The following INSRR variants were observed in gnomAD, a reference collection of about 807,000 sequenced individuals.
INSRR encodes the protein insulin receptor-related protein.
In INSRR, 114 loss-of-function variants were observed where a neutral mutation model predicts 130.0. The ratio of observed to expected loss-of-function variants is 0.88; its 90% confidence interval spans 0.75 to 1.02. The LOEUF (loss-of-function observed/expected upper bound fraction) is 1.02. Ranked by LOEUF, INSRR falls within the 50% of genes least tolerant of loss-of-function variation. The pLI, the probability that INSRR is intolerant of heterozygous loss-of-function variation, is 0.00. For missense variants in INSRR, 1,657 were observed against 1,735.2 expected (o/e 0.95, Z 0.80); for synonymous variants, 674 against 705.2 (o/e 0.96, Z 0.70).
At chr1:156,855,355 C>T (rs1055414595) in intron 1 of INSRR, among the ~76,000 whole-genome samples, 7 of 152,242 alleles carry the variant, frequency 4.6e-5, no homozygotes, top group African/African-American at 7.2e-5. Context: ...AGGTGCCCGC[C>T]GCCATACCCA....
intron 14 of INSRR, 53 bp from the exon 15 acceptor site, chr1:156,844,333 G>A: frequency 6.4e-7 from 1 of 1,562,894 alleles, no homozygotes; most frequent in Non-Finnish European, 8.8e-7. Flanking sequence ...AAGTCAGAGG[G>A]AAGGTCATGC....
At chr1:156,847,998 A>C (rs1655069906) in intron 7 of INSRR, among the ~76,000 whole-genome samples, 1 of 152,134 alleles carries the variant, frequency 6.6e-6, no homozygotes, top group Admixed American at 6.5e-5. Context: ...CAGCTTCAGC[A>C]TCTCCTAGGA....
Position 156,840,964 on chromosome 1 carries a change from G to GC in INSRR, c.3802dup (p.Ala1268GlyfsTer13), listed in dbSNP as rs1224959325. The stretch of plus-strand genomic sequence containing the variant: ...ATCGGTGGTAGGCAGGGAGCCCCGG[G>GC]CCCCCCGGCATTCCGGGCTGTAGTA... On this transcript the variant is annotated frameshift_variant, in exon 22 of 22. Coordinates refer to ENST00000368195, the MANE Select transcript of INSRR (RefSeq NM_014215.3). LOFTEE classifies it low-confidence loss of function (END_TRUNC). The GC allele has an allele frequency of 3.1e-6, 5 of 1,613,788 alleles. No homozygotes were observed. Among genetic ancestry groups the GC allele is most frequent in the Admixed American group, 1.7e-5 (1 of 59,976 alleles).
At position 156,841,486 on chromosome 1, in the gene INSRR, T is replaced by C. The variant is rs753613162; in HGVS notation, c.3570A>G (p.Glu1190=). The C allele has an allele frequency of 3.1e-6, 5 of 1,613,974 alleles. No homozygotes were observed. Among genetic ancestry groups the C allele is most frequent in the Non-Finnish European group, 4.2e-6 (5 of 1,179,940 alleles). Residue 1190 remains glutamate (E), a synonymous_variant, in exon 21 of 22, where the codon GAA becomes GAG. Coordinates refer to ENST00000368195, the MANE Select transcript of INSRR (RefSeq NM_014215.3). ...CATTGGACAGGCCCTGGTAGGGTTG[T>C]TCTGCCAGGGTCACAATCTCCCAGA... ...VVLWEIVTLA[E]QPYQGLSNEQ...
At chr1:156,851,172 A>G in intron 5 of INSRR, 118 bp downstream of exon 5, 1 of 1,056,664 alleles carries the variant, frequency 9.5e-7, no homozygotes. Context: ...ACCTACTTAG[A>G]GTCACACGCC....
chr1:156,843,139 C>G lies in INSRR; in HGVS notation c.2991G>C (p.Leu997=), dbSNP rs1163675041. The change falls in exon 17 of 22, where the codon CTG becomes CTC. Residue 997 remains leucine, a synonymous_variant. Coordinates refer to ENST00000368195, the MANE Select transcript of INSRR (RefSeq NM_014215.3). The part of the protein sequence containing the change: ...QGSFGMVYEG[L]ARGLEAGEES... ...CCTCTCCAGCCTCAAGTCCTCGTGC[C>G]AGCCCCTCATATACCATCCCAAAAG... 3.7e-6 allele frequency: 6 copies of G among 1,614,064 alleles called. No homozygotes were observed. In the South Asian group the frequency reaches 6.6e-5, roughly 18 times the overall value.
At chr1:156,856,648 ATTG>A (rs2102873016) in intron 1 of INSRR, among the ~76,000 whole-genome samples, 1 of 152,048 alleles carries the variant, frequency 6.6e-6, no homozygotes, top group East Asian at 1.9e-4. Flanking sequence ...TGGCTCCAAA[ATTG>A]TTGTATACAT....
In INSRR at chr1:156,858,661, C is replaced by G; in HGVS notation, c.-40G>C. On this transcript the variant is annotated 5_prime_UTR_variant, in exon 1 of 22. Coordinates refer to ENST00000368195, the MANE Select transcript of INSRR (RefSeq NM_014215.3). ...CTTGTGTCCAGTCCCGGCTCTCCTCCCGGTGACTCTGGGGAGAACGGTGTG... is the reference window on the plus strand; with the variant it reads ...CTTGTGTCCAGTCCCGGCTCTCCTCGCGGTGACTCTGGGGAGAACGGTGTG... The G allele has an allele frequency of 1.3e-6, 2 of 1,561,436 alleles. No homozygotes were observed. The highest frequency in any genetic ancestry group is 1.8e-6 in the Non-Finnish European group (2 of 1,132,108).
intron 1 of INSRR, 40 bp downstream of exon 1, chr1:156,858,497 G>T: frequency 6.5e-7 from 1 of 1,539,740 alleles, no homozygotes; most frequent in Non-Finnish European, 9.0e-7. Flanking sequence ...AGCTGGCTGG[G>T]AGGGAGGTAG....
At chr1:156,858,462 T>A (rs748765101) in intron 1 of INSRR, 75 bp downstream of exon 1, 1 of 1,106,492 alleles carries the variant, frequency 9.0e-7, no homozygotes, top group Non-Finnish European at 1.4e-6. Flanking sequence ...GTGCTGTGGC[T>A]GCAAGCTCAG....
At chr1:156,851,528 C>G (rs1274711142) in intron 4 of INSRR, 94 bp from the exon 5 acceptor site, 2 of 1,604,274 alleles carry the variant, frequency 1.2e-6, no homozygotes, top group Non-Finnish European at 1.7e-6. Flanking sequence ...AAGGTGGGCC[C>G]TCAGGACTGG....
chr1:156,844,482 G>T lies in INSRR; in HGVS notation c.2717C>A (p.Ala906Asp), dbSNP rs1474641249. Residue 906 changes from alanine (A) to aspartate (D), a missense_variant, in exon 14 of 22, where the codon GCC becomes GAC. By Grantham distance (126) the Ala-to-Asp change is moderately radical (BLOSUM62 -2). Transcript: ENST00000368195. ...TATACCTGGGCCAAGGATGTAGAAG[G>T]CAACACTGTCTGTCCAAGAGCCATT... is the stretch of plus-strand genomic sequence containing the variant. The part of the protein sequence containing the change: ...AGNGSWTDSV[A>D]FYILGPEEED... 2 of 1,613,900 alleles carry T rather than the reference G, an allele frequency of 1.2e-6. No individual in the cohort carries two copies. Among genetic ancestry groups the T allele is most frequent in the Non-Finnish European group, 1.7e-6 (2 of 1,179,966 alleles).
At position 156,845,137 on chromosome 1, in the gene INSRR, G is replaced by A; in HGVS notation, c.2376C>T (p.His792=). ...EYRIDIHACN[H]AAHTVGCSAA... is the part of the protein sequence containing the mutation. ...CGCTGCAGCCCACGGTGTGCGCCGC[G>A]TGGTTGCAGGCATGGATGTCGATCC... is the stretch of plus-strand genomic sequence containing the variant. The change falls in exon 12 of 22, where the codon CAC becomes CAT. Residue 792 remains histidine, a synonymous_variant. Transcript: ENST00000368195. 3 of 1,612,014 alleles carry A rather than the reference G, an allele frequency of 1.9e-6. No homozygotes were observed. The highest frequency in any genetic ancestry group is 1.3e-5 in the African/African-American group (1 of 75,038).
chr1:156,855,363 C>G (rs992561603), intron 1 of INSRR, among the ~76,000 whole-genome samples: 1 of 152,136 alleles, frequency 6.6e-6, no homozygotes, highest in African/African-American at 2.4e-5. Flanking sequence ...GCCGCCATAC[C>G]CAGCTAATTT....
At chr1:156,842,595 C>T in intron 17 of INSRR, 87 bp from the exon 18 acceptor site, 1 of 957,942 alleles carries the variant, frequency 1.0e-6, no homozygotes, top group South Asian at 1.4e-5. Context: ...CACAGTCTGA[C>T]TCAGACACCA....
At position 156,840,750 on chromosome 1, in the gene INSRR, C is replaced by A. The variant is rs2102851129; in HGVS notation, c.*123G>T. 2.7e-6 allele frequency: 2 copies of A among 752,656 alleles called. No homozygotes were observed. The highest frequency in any genetic ancestry group is 4.5e-6 in the Non-Finnish European group (2 of 441,858). The allele number at this position is 752,656 out of a possible 1,614,324, so 46.6% of individuals were successfully genotyped here. ...CAGCCTTCCCTGCTCCTGTTCTCTG[C>A]CCCACCCTCGGCCATCCCTTGCCCT... is the stretch of plus-strand genomic sequence containing the variant. On this transcript the variant is annotated 3_prime_UTR_variant, in exon 22 of 22. Transcript: ENST00000368195.
In INSRR at chr1:156,851,311, C is replaced by T. The variant is rs772700964; in HGVS notation, c.1208G>A (p.Arg403Gln). Residue 403 changes from arginine to glutamine, a missense_variant, in exon 5 of 22, where the codon CGG becomes CAG. Coordinates refer to ENST00000368195, the MANE Select transcript of INSRR (RefSeq NM_014215.3). ...TTACCCATCCACCATGGCGTCTCCC[C>T]GGATTAGTTTGAGGTTCTTGAAAAA... ...LGFFKNLKLIRGDAMVDGNYT... is the reference protein window; with the variant it reads ...LGFFKNLKLIQGDAMVDGNYT... 10 of 1,614,116 alleles carry T rather than the reference C, an allele frequency of 6.2e-6. No individual in the cohort carries two copies. The highest frequency in any genetic ancestry group is 2.2e-5 in the East Asian group (1 of 44,888).
chr1:156,851,382 A>G lies in INSRR; in HGVS notation c.1137T>C (p.Thr379=), dbSNP rs1171479476. 1 of 1,614,072 alleles carries G rather than the reference A, an allele frequency of 6.2e-7. No homozygotes were observed. The highest frequency in any genetic ancestry group is 1.7e-5 in the Admixed American group (1 of 60,006). ...AGGAGTGCTTGATTTTGAGGAAGCC[A>G]GTAATGGTTTCTACCAGCCCCAGGC... The part of the protein sequence containing the change: ...QHSLGLVETI[T]GFLKIKHSFA... Residue 379 remains threonine (T), a synonymous_variant, in exon 5 of 22, where the codon ACT becomes ACC. Transcript: ENST00000368195.
chr1:156,843,495 AG>A lies in INSRR; in HGVS notation c.2844-17del, dbSNP rs1447577043. The A allele has an allele frequency of 6.2e-7, 1 of 1,613,962 alleles. No individual in the cohort carries two copies. The highest frequency in any genetic ancestry group is 1.7e-5 in the Admixed American group (1 of 60,014). On this transcript the variant is annotated splice_polypyrimidine_tract_variant and intron_variant, in intron 15 of 21. Transcript: ENST00000368195. ...GGTTCTGTTTCTGCAACGGGAGGTG[AG>A]GGGGTCAGGCTGGAAGGGTTCTCAG...
Sources: allele counts gnomAD v4.1 joint callset (sites outside exome capture counted in the v4.1 genomes callset), GRCh38; gene constraint gnomAD v4.1.1; transcripts MANE v1.5; gene names NCBI Gene and HGNC (gene_info 2026-07-23, HGNC 2026-07-21).